Variants in TAFA2 observed in about 807,000 individuals in gnomAD.
TAFA2 encodes TAFA chemokine like family member 2.
A neutral mutation model predicts 18.8 loss-of-function variants in TAFA2; 7 were observed. That is an observed-to-expected ratio of 0.37 (90% confidence interval 0.21 to 0.70). The LOEUF is 0.70. Ranked by LOEUF, TAFA2 falls within the 30% of genes least tolerant of loss-of-function variation. The probability of loss-of-function intolerance (pLI) is 0.53; values close to 1 mark genes in which losing one functional copy is unlikely to be tolerated. For missense variants in TAFA2, 122 were observed against 158.1 expected, an observed-to-expected ratio of 0.77 and a Z score of 1.23; for synonymous variants, 60 against 54.2, an observed-to-expected ratio of 1.11 and a Z score of -0.47.
Position 61,747,091 on chromosome 12 carries a change from T to A in TAFA2, c.384+6531A>T, listed in dbSNP as rs568034916. Among the ~76,000 whole-genome samples, 191 of 152,244 alleles carry A rather than the reference T, an allele frequency of 1.3e-3. 1 individual carries two copies. The highest frequency in any genetic ancestry group is 4.5e-3 in the African/African-American group (188 of 41,560). On this transcript the variant is annotated intron_variant, in intron 4 of 4. Transcript: ENST00000416284. The stretch of plus-strand genomic sequence containing the variant: ...CAGACACTTCTCAAAAGAAGACATT[T>A]ATGCAGCCAAAAAACACATGAAAAA...
At chr12:61,959,664 A>G (rs558946230) in intron 1 of TAFA2, among the ~76,000 whole-genome samples, 1 of 152,218 alleles carries the variant, frequency 6.6e-6, no homozygotes, top group East Asian at 1.9e-4. Context: ...AACATTAACC[A>G]TTATGCTTTT....
chr12:62,088,906 ATC>A (rs755284044), intron 1 of TAFA2, among the ~76,000 whole-genome samples: 4 of 127,276 alleles, frequency 3.1e-5, no homozygotes, highest in African/African-American at 5.4e-5. Context: ...CTCTCTCTCT[ATC>A]TCTGTGTGTG....
intron 2 of TAFA2, among the ~76,000 whole-genome samples, chr12:61,787,739 T>C (rs1015743207): frequency 1.3e-5 from 2 of 151,426 alleles, no homozygotes; most frequent in East Asian, 3.9e-4. Flanking sequence ...AAGCTTACCA[T>C]AACAGAAAAT....
At chr12:61,754,292 T>C (rs1869159448) in intron 3 of TAFA2, among the ~76,000 whole-genome samples, 1 of 151,972 alleles carries the variant, frequency 6.6e-6, no homozygotes, top group Non-Finnish European at 1.5e-5. Context: ...ATTATAGTAA[T>C]ATGAGCACTT....
intron 1 of TAFA2, among the ~76,000 whole-genome samples, chr12:62,084,985 C>G (rs1472572262): frequency 6.6e-6 from 1 of 152,104 alleles, no homozygotes; most frequent in African/African-American, 2.4e-5. Flanking sequence ...TGATACCTTC[C>G]TGAAGAACAC....
intron 1 of TAFA2, among the ~76,000 whole-genome samples, chr12:62,231,671 G>C (rs564018652): frequency 4.6e-5 from 7 of 152,144 alleles, no homozygotes; most frequent in African/African-American, 1.4e-4. Context: ...TAAAGATTTA[G>C]ATTGAAAAAG....
intron 1 of TAFA2, among the ~76,000 whole-genome samples, chr12:62,238,820 T>A (rs1171598855): frequency 6.6e-6 from 1 of 152,238 alleles, no homozygotes; most frequent in African/African-American, 2.4e-5. Flanking sequence ...GTATACAGTA[T>A]ATGGATACGT....
At chr12:62,217,416 A>C (rs1039844452) in intron 1 of TAFA2, among the ~76,000 whole-genome samples, 3 of 152,236 alleles carry the variant, frequency 2.0e-5, no homozygotes, top group African/African-American at 7.2e-5. Flanking sequence ...TCTGCAGTGC[A>C]ACTGGGCCCT....
chr12:62,015,924 T>C (rs1299306112), intron 1 of TAFA2, among the ~76,000 whole-genome samples: 4 of 152,182 alleles, frequency 2.6e-5, no homozygotes, highest in African/African-American at 7.2e-5. Context: ...TTAATGGGTA[T>C]AGAATTCTAC....
intron 1 of TAFA2, among the ~76,000 whole-genome samples, chr12:61,966,382 G>A (rs762979364): frequency 1.6e-4 from 24 of 151,870 alleles, no homozygotes; most frequent in Non-Finnish European, 3.2e-4. Flanking sequence ...GAGGGCTGAG[G>A]CTTCAGGGGA....
intron 1 of TAFA2, among the ~76,000 whole-genome samples, chr12:61,901,961 T>A (rs969149698): frequency 1.3e-5 from 2 of 152,168 alleles, no homozygotes; most frequent in African/African-American, 4.8e-5. Context: ...GTATAACTTC[T>A]ATCAAACACA....
At chr12:61,786,920 A>C (rs1180938859) in intron 2 of TAFA2, among the ~76,000 whole-genome samples, 1 of 151,584 alleles carries the variant, frequency 6.6e-6, no homozygotes, top group Admixed American at 6.6e-5. Flanking sequence ...AAATTTACTC[A>C]ATCCAAAAGA....
intron 1 of TAFA2, among the ~76,000 whole-genome samples, chr12:61,911,516 A>G (rs1055223891): frequency 6.6e-6 from 1 of 152,216 alleles, no homozygotes; most frequent in Admixed American, 6.5e-5. Context: ...CTAGGCTACA[A>G]AGCTAAATTC....
In TAFA2 at chr12:61,905,674, C is replaced by T. The variant is rs115177429; in HGVS notation, c.-1-38248G>A. Among the ~76,000 whole-genome samples the T allele has an allele frequency of 6.6e-3, 1,010 of 152,230 alleles. 12 individuals are homozygous for T. The highest frequency in any genetic ancestry group is 0.023 in the African/African-American group (975 of 41,530). On this transcript the variant is annotated intron_variant, in intron 1 of 4. Coordinates refer to ENST00000416284, the MANE Select transcript of TAFA2 (RefSeq NM_178539.5). ...TCACCAGAAAAAATATCCTCATATC[C>T]AATTAGTCTCAAATGAGATTTCAAT...
intron 1 of TAFA2, among the ~76,000 whole-genome samples, chr12:61,929,512 C>A (rs573361994): frequency 7.9e-5 from 12 of 152,262 alleles, no homozygotes; most frequent in African/African-American, 2.6e-4. Context: ...ACAACAGGTG[C>A]TGGAGAGGAT....
intron 1 of TAFA2, among the ~76,000 whole-genome samples, chr12:61,884,973 C>A (rs1022428321): frequency 6.6e-6 from 1 of 151,942 alleles, no homozygotes; most frequent in African/African-American, 2.4e-5. Flanking sequence ...TGAAGTAAGA[C>A]AATACTTGCT....
chr12:62,126,526 G>A (rs1278790920), intron 1 of TAFA2, among the ~76,000 whole-genome samples: 5 of 152,084 alleles, frequency 3.3e-5, no homozygotes, highest in African/African-American at 1.2e-4. Context: ...TAAAGTTTGA[G>A]CAGGTTTGCT....
chr12:61,749,121 A>AT (rs2120737735), intron 4 of TAFA2, among the ~76,000 whole-genome samples: 1 of 151,926 alleles, frequency 6.6e-6, no homozygotes, highest in African/African-American at 2.4e-5. Flanking sequence ...AAAAAAAAAA[A>AT]AAATAGCTGG....
chr12:61,902,091 T>TAAAAAAAAAAAAAAA (rs750989820), intron 1 of TAFA2, among the ~76,000 whole-genome samples: 6 of 116,438 alleles, frequency 5.2e-5, no homozygotes, highest in African/African-American at 1.8e-4. Context: ...GCAGGAATGT[T>TAAAAAAAAAAAAAAA]AAAAAAAAAA....
Sources: gnomAD v4.1 joint callset for allele counts (sites outside exome capture counted in the v4.1 genomes callset) on GRCh38, gnomAD v4.1.1 for gene constraint, MANE v1.5 for transcripts, NCBI Gene and HGNC (gene_info 2026-07-23, HGNC 2026-07-21) for gene names.